UMODL1: variants seen among roughly 807,000 people sequenced by gnomAD.
UMODL1 encodes uromodulin-like 1.
UMODL1 carries 128 observed loss-of-function variants against 136.3 expected under a neutral mutation model. The observed-to-expected ratio is 0.94, with a 90% CI of 0.81 to 1.09. The LOEUF (loss-of-function observed/expected upper bound fraction) is 1.09, where lower values mean the gene tolerates loss of function less well. UMODL1 is among the 50% of genes least tolerant of loss of function. UMODL1 has a pLI of 0.00. For missense variants in UMODL1, 1,766 were observed against 1,725.6 expected (o/e 1.02, Z -0.41); for synonymous variants, 721 against 720.0 (o/e 1.00, Z -0.02).
chr21:42,088,381 C>T lies in UMODL1; in HGVS notation c.691C>T (p.Leu231=), dbSNP rs750981293. The change falls in exon 5 of 23, where the codon CTA becomes TTA. Residue 231 remains leucine (L), a synonymous_variant. Coordinates refer to ENST00000408910, the MANE Select transcript of UMODL1 (RefSeq NM_001004416.3). Reference sequence around the variant, plus strand: ...CGCCTCCACCACAGTGTCGCGGCTGCTACTGGGCCTGCCACGGCCACTGCC... The same window carrying T: ...CGCCTCCACCACAGTGTCGCGGCTGTTACTGGGCCTGCCACGGCCACTGCC... ...GNASTTVSRL[L]LGLPRPLPVA... 3.1e-6 allele frequency: 5 copies of T among 1,613,726 alleles called. No homozygotes were observed. The South Asian group carries it at 5.5e-5, about 18-fold the overall frequency.
chr21:42,116,225 AT>A (rs2066901019), intron 14 of UMODL1, among the ~76,000 whole-genome samples: 1 of 149,972 alleles, frequency 6.7e-6, no homozygotes, highest in Non-Finnish European at 1.5e-5. Context: ...ATGGTGGCGC[AT>A]GTTTGTGACC....
intron 9 of UMODL1, among the ~76,000 whole-genome samples, chr21:42,106,728 T>A (rs1161410797): frequency 1.3e-5 from 2 of 152,228 alleles, no homozygotes; most frequent in Non-Finnish European, 2.9e-5. Context: ...CTGCTCACTT[T>A]GCCCCATAGG....
At chr21:42,108,643 G>A (rs751322171) in intron 9 of UMODL1, 17 of 325,344 alleles carry the variant, frequency 5.2e-5, no homozygotes, top group Middle Eastern at 2.3e-3. Flanking sequence ...ACAGAAGCAC[G>A]CGCAGAAGGC....
At chr21:42,117,716 A>G (rs1479346624) in intron 14 of UMODL1, among the ~76,000 whole-genome samples, 1 of 152,224 alleles carries the variant, frequency 6.6e-6, no homozygotes, top group Non-Finnish European at 1.5e-5. Context: ...GGCCTAGCTC[A>G]TTCCCTGCTC....
chr21:42,126,560 T>C (rs2067058500), intron 18 of UMODL1, 70 bp downstream of exon 18: 1 of 1,605,246 alleles, frequency 6.2e-7, no homozygotes, highest in African/African-American at 1.3e-5. Context: ...GAGAGTTCTT[T>C]AGGGTGTCAA....
chr21:42,127,424 T>G (rs1160980076), intron 19 of UMODL1, among the ~76,000 whole-genome samples, 182 bp downstream of exon 19: 1 of 152,056 alleles, frequency 6.6e-6, no homozygotes, highest in East Asian at 1.9e-4. Context: ...TAAGAACAGG[T>G]AGGGCTCAAG....
Position 42,109,711 on chromosome 21 carries a change from C to A in UMODL1, c.1657+12C>A, listed in dbSNP as rs777341425. The A allele has an allele frequency of 2.5e-6, 4 of 1,592,938 alleles. No individual in the cohort carries two copies. The highest frequency in any genetic ancestry group is 3.4e-6 in the Non-Finnish European group (4 of 1,178,866). Reference sequence around the variant, plus strand: ...CCGGGCCTGTGAGGGTACGTGTCGACCCCCCTGCCGACTCTGGGAAGACCC... The same window carrying A: ...CCGGGCCTGTGAGGGTACGTGTCGAACCCCCTGCCGACTCTGGGAAGACCC... On this transcript the variant is annotated intron_variant, in intron 10 of 22. Transcript: ENST00000408910.
intron 21 of UMODL1, among the ~76,000 whole-genome samples, chr21:42,130,763 G>A (rs2067123832): frequency 1.3e-5 from 2 of 151,464 alleles, no homozygotes; most frequent in Non-Finnish European, 2.9e-5. Context: ...GGCTTCCCAG[G>A]ACACCATGGG....
At chr21:42,138,188 A>G (rs1375720525) in intron 22 of UMODL1, among the ~76,000 whole-genome samples, 1 of 152,148 alleles carries the variant, frequency 6.6e-6, no homozygotes, top group Non-Finnish European at 1.5e-5. Flanking sequence ...AACCATGGTA[A>G]CATTTCCGGC....
intron 17 of UMODL1, among the ~76,000 whole-genome samples, chr21:42,125,197 G>C (rs758242495): frequency 3.3e-5 from 5 of 152,206 alleles, no homozygotes; most frequent in Non-Finnish European, 7.3e-5. Flanking sequence ...TGAGCAGGAG[G>C]CTGGGACATG....
At chr21:42,064,465 G>C (rs968650898) in intron 1 of UMODL1, among the ~76,000 whole-genome samples, 1 of 152,256 alleles carries the variant, frequency 6.6e-6, no homozygotes, top group Non-Finnish European at 1.5e-5. Flanking sequence ...GCCCCAGCTT[G>C]CTGACTCACC....
At chr21:42,139,748 A>G (rs531564701) in intron 22 of UMODL1, among the ~76,000 whole-genome samples, 2 of 152,238 alleles carry the variant, frequency 1.3e-5, no homozygotes, top group South Asian at 2.1e-4. Context: ...AGGCACTGAC[A>G]TTTCCTCGTA....
intron 1 of UMODL1, among the ~76,000 whole-genome samples, chr21:42,064,712 C>T (rs1367299176): frequency 6.6e-6 from 1 of 152,056 alleles, no homozygotes; most frequent in Non-Finnish European, 1.5e-5. Context: ...CCCAACACCA[C>T]ACCTGGCTAA....
chr21:42,128,144 A>T, intron 20 of UMODL1: 1 of 493,872 alleles, frequency 2.0e-6, no homozygotes, highest in Middle Eastern at 3.1e-4. Flanking sequence ...AGTGCTTCTA[A>T]GGTGATTTAT....
At chr21:42,128,154 T>C in intron 20 of UMODL1, 1 of 438,522 alleles carries the variant, frequency 2.3e-6, no homozygotes, top group African/African-American at 2.0e-5. Flanking sequence ...AGGTGATTTA[T>C]AGGTGTAAAA....
intron 22 of UMODL1, among the ~76,000 whole-genome samples, chr21:42,139,938 GT>G (rs2067257329): frequency 6.6e-6 from 1 of 152,132 alleles, no homozygotes. Context: ...AGCGGGTGGC[GT>G]TTTCTTTGAA....
In UMODL1 at chr21:42,099,749, C is replaced by T. The variant is rs2066604247; in HGVS notation, c.1186+569C>T. 6.6e-6 allele frequency among the ~76,000 whole-genome samples: 1 copy of T among 152,298 alleles called. No homozygotes were observed. The highest frequency in any genetic ancestry group is 6.5e-5 in the Admixed American group (1 of 15,310). On this transcript the variant is annotated intron_variant, in intron 7 of 22. Coordinates refer to ENST00000408910, the MANE Select transcript of UMODL1 (RefSeq NM_001004416.3). This position sits in a 1 kb window ranked among gnomAD's most constrained non-coding sequence, Gnocchi z 4.1. ...AGGCTGGAGTGTAGTGGTATGATCA[C>T]AGCTCGCTGCGGCCTCGACCCCCTG...
Position 42,100,421 on chromosome 21 carries a change from C to T in UMODL1, c.1186+1241C>T, listed in dbSNP as rs116813204. 7.9e-3 allele frequency among the ~76,000 whole-genome samples: 1,206 copies of T among 152,092 alleles called. 21 individuals carry two copies. The highest frequency in any genetic ancestry group is 0.028 in the African/African-American group (1,145 of 41,418). On this transcript the variant is annotated intron_variant, in intron 7 of 22. Transcript: ENST00000408910. ...ACACCCTTTTCAAACTGATTTGGGG[C>T]GGACCTCAAGCTAAGTCCTCATAGC...
chr21:42,111,349 C>T (rs765424345), intron 11 of UMODL1, 157 bp from the exon 12 acceptor site: 46 of 1,609,014 alleles, frequency 2.9e-5, no homozygotes, highest in Non-Finnish European at 3.6e-5. Flanking sequence ...GGAGCCCCAG[C>T]CAGGAGAGCC....
Sources: gnomAD v4.1 joint callset for allele counts (sites outside exome capture counted in the v4.1 genomes callset) on GRCh38, gnomAD v4.1.1 for gene constraint, Gnocchi (gnomAD v3.1) non-coding constraint, MANE v1.5 for transcripts, NCBI Gene and HGNC (gene_info 2026-07-23, HGNC 2026-07-21) for gene names.